MANBA: variants seen among roughly 807,000 people sequenced by gnomAD.
MANBA encodes the protein mannosidase beta.
Under a neutral mutation model 111.1 loss-of-function variants are expected in MANBA, and 83 were observed. That is an observed-to-expected ratio of 0.75 (90% confidence interval 0.63 to 0.90). MANBA has a LOEUF of 0.90. MANBA is among the 40% of genes least tolerant of loss of function. The pLI is 0.00. For synonymous variants in MANBA, 370 were observed against 378.7 expected (o/e 0.98, Z 0.27); for missense variants, 1,036 against 1,069.0 (o/e 0.97, Z 0.43).
chr4:102,755,803 A>T (rs909446007), intron 1 of MANBA, among the ~76,000 whole-genome samples: 2 of 152,236 alleles, frequency 1.3e-5, no homozygotes, highest in African/African-American at 4.8e-5. Context: ...CCCATCAAAA[A>T]GTGGGCAAAG....
intron 7 of MANBA, among the ~76,000 whole-genome samples, chr4:102,688,150 A>T (rs1036607487): frequency 1.3e-4 from 20 of 152,158 alleles, no homozygotes; most frequent in Middle Eastern, 3.2e-3. Flanking sequence ...CATTTTCATG[A>T]AAACAACACA....
chr4:102,707,178 G>C (rs1262157546), intron 5 of MANBA, among the ~76,000 whole-genome samples: 2 of 152,102 alleles, frequency 1.3e-5, no homozygotes, highest in Non-Finnish European at 2.9e-5. Context: ...AAATCAGCAA[G>C]AGAAAAGCAC....
intron 1 of MANBA, among the ~76,000 whole-genome samples, chr4:102,757,820 A>C (rs1724085113): frequency 6.6e-6 from 1 of 152,240 alleles, no homozygotes; most frequent in South Asian, 2.1e-4. Context: ...CATCACATGT[A>C]GAATAAAAGC....
At chr4:102,710,129 C>T (rs955575405) in intron 5 of MANBA, among the ~76,000 whole-genome samples, 1 of 152,070 alleles carries the variant, frequency 6.6e-6, no homozygotes, top group East Asian at 1.9e-4. Flanking sequence ...TTCACCACTC[C>T]TATCCAATAA....
intron 5 of MANBA, among the ~76,000 whole-genome samples, chr4:102,695,731 C>T (rs1008831400): frequency 2.0e-5 from 3 of 152,088 alleles, no homozygotes; most frequent in East Asian, 1.9e-4. Flanking sequence ...CCTCTCGCAG[C>T]GATGCCTACC....
intron 13 of MANBA, among the ~76,000 whole-genome samples, chr4:102,647,097 C>T (rs1346762536): frequency 6.6e-6 from 1 of 151,648 alleles, no homozygotes; most frequent in Non-Finnish European, 1.5e-5. Context: ...ATTTCTAATA[C>T]ACAGATTAAA....
intron 12 of MANBA, among the ~76,000 whole-genome samples, chr4:102,653,256 A>ACACACG (rs1356491942): frequency 6.8e-6 from 1 of 146,892 alleles, no homozygotes; most frequent in African/African-American, 2.7e-5. Context: ...ACACACACAC[A>ACACACG]CACACACACA....
chr4:102,720,060 T>C (rs1180235760), intron 4 of MANBA, among the ~76,000 whole-genome samples: 8 of 152,202 alleles, frequency 5.3e-5, no homozygotes, highest in Non-Finnish European at 1.0e-4. Context: ...ATGTATAACA[T>C]TTATATTATC....
intron 13 of MANBA, among the ~76,000 whole-genome samples, chr4:102,646,279 G>A (rs1286323429): frequency 3.3e-5 from 5 of 151,852 alleles, no homozygotes; most frequent in African/African-American, 1.2e-4. Flanking sequence ...CCCCTCCTTT[G>A]CCCACCCTAC....
rs1729389942 is a variant in MANBA at position 102,631,870 on chromosome 4, G to A, written c.*187C>T. 3.1e-6 allele frequency: 2 copies of A among 654,826 alleles called. No individual in the cohort carries two copies. The highest frequency in any genetic ancestry group is 2.7e-5 in the East Asian group (1 of 37,030). The allele number at this position is 654,826 out of a possible 1,614,324, so 40.6% of individuals were successfully genotyped here. On this transcript the variant is annotated 3_prime_UTR_variant, in exon 17 of 17. Coordinates refer to ENST00000647097, the MANE Select transcript of MANBA (RefSeq NM_005908.4). ...CGGCACAGGCTTGTTTGAGGACATT[G>A]CCTGGGTAAACAGCCTCCCCTGAAA... is the stretch of plus-strand genomic sequence containing the variant.
chr4:102,738,707 C>T (rs1723302006), intron 1 of MANBA, among the ~76,000 whole-genome samples: 1 of 152,124 alleles, frequency 6.6e-6, no homozygotes, highest in Non-Finnish European at 1.5e-5. Flanking sequence ...TATAACACCC[C>T]CAAAAGATCA....
intron 1 of MANBA, chr4:102,734,336 C>T: frequency 6.3e-7 from 1 of 1,599,494 alleles, no homozygotes; most frequent in Non-Finnish European, 8.5e-7. Context: ...GAAGAGACCT[C>T]AGGCAGCAAG....
intron 14 of MANBA, among the ~76,000 whole-genome samples, chr4:102,637,181 T>C (rs1729670139): frequency 6.6e-6 from 1 of 152,214 alleles, no homozygotes; most frequent in Admixed American, 6.5e-5. Flanking sequence ...GTCTCAGGTA[T>C]GTCTTCATCA....
chr4:102,702,661 A>G (rs1372160524), intron 5 of MANBA, among the ~76,000 whole-genome samples: 2 of 152,216 alleles, frequency 1.3e-5, no homozygotes, highest in Non-Finnish European at 2.9e-5. Context: ...AAGGACTAAG[A>G]ATACAGAAAA....
At chr4:102,739,623 C>T (rs1450796294) in intron 1 of MANBA, among the ~76,000 whole-genome samples, 1 of 152,100 alleles carries the variant, frequency 6.6e-6, no homozygotes, top group Non-Finnish European at 1.5e-5. Context: ...GGTTTCATAC[C>T]AGGGATGCAG....
At chr4:102,681,042 C>T (rs571929081) in intron 7 of MANBA, among the ~76,000 whole-genome samples, 1 of 152,318 alleles carries the variant, frequency 6.6e-6, no homozygotes, top group South Asian at 2.1e-4. Context: ...TGGCTCATGC[C>T]TATAACCTCA....
intron 14 of MANBA, 57 bp from the exon 15 acceptor site, chr4:102,636,064 G>A (rs1383038924): frequency 2.0e-6 from 3 of 1,474,482 alleles, no homozygotes; most frequent in Non-Finnish European, 2.8e-6. Flanking sequence ...GAGAGGCACT[G>A]TCCAATGGCC....
chr4:102,727,361 C>T, intron 1 of MANBA: 1 of 752,820 alleles, frequency 1.3e-6, no homozygotes, highest in South Asian at 1.6e-5. Flanking sequence ...CCCATTCTGC[C>T]TTGGACATCT....
At position 102,635,820 on chromosome 4, in the gene MANBA, T is replaced by A. The variant is rs753990471; in HGVS notation, c.2157+45A>T. 10 of 1,566,416 alleles carry A rather than the reference T, an allele frequency of 6.4e-6. No individual in the cohort carries two copies. The African/African-American group carries it at 9.5e-5, about 15-fold the overall frequency. On this transcript the variant is annotated intron_variant, in intron 15 of 16. Coordinates refer to ENST00000647097, the MANE Select transcript of MANBA (RefSeq NM_005908.4). Reference sequence around the variant, plus strand: ...TGTAACCAAACAACTAAAGAAATCATCTAAAAGTCTCCTTCGATCTTAGAA... The same window carrying A: ...TGTAACCAAACAACTAAAGAAATCAACTAAAAGTCTCCTTCGATCTTAGAA...
Sources: allele counts gnomAD v4.1 joint callset (sites outside exome capture counted in the v4.1 genomes callset), GRCh38; gene constraint gnomAD v4.1.1; transcripts MANE v1.5; gene names NCBI Gene and HGNC (gene_info 2026-07-23, HGNC 2026-07-21).